ARSH: variants seen among roughly 807,000 people sequenced by gnomAD.
ARSH encodes the protein arylsulfatase H.
ARSH carries 32 observed loss-of-function variants against 28.7 expected under a neutral mutation model. The ratio of observed to expected loss-of-function variants is 1.11; its 90% CI spans 0.84 to 1.50. The LOEUF (loss-of-function observed/expected upper bound fraction) is 1.50. Ranked by LOEUF, ARSH falls within the 40% of genes most tolerant of loss-of-function variation. The pLI, the probability that ARSH is intolerant of heterozygous loss-of-function variation, is 0.00. For synonymous variants in ARSH, 176 were observed against 177.3 expected (o/e 0.99, Z 0.06); for missense variants, 440 against 452.4 (o/e 0.97, Z 0.25).
At chrX:3,029,422 C>G in intron 8 of ARSH, 54 bp downstream of exon 8, 1 of 1,164,878 alleles carries the variant, frequency 8.6e-7, no homozygotes, top group Non-Finnish European at 1.2e-6. Flanking sequence ...CGGTTCCGGT[C>G]TCCTTCGTCT....
chrX:3,007,802 T>G (rs952336139), intron 1 of ARSH, among the ~76,000 whole-genome samples: 22 of 96,709 alleles, frequency 2.3e-4, no homozygotes, highest in East Asian at 1.7e-3. Context: ...TCAAGGTGTC[T>G]GCAGGGCTGG....
intron 1 of ARSH, 116 bp from the exon 2 acceptor site, chrX:3,009,914 T>C (rs1452710107): frequency 1.1e-6 from 1 of 908,431 alleles, no homozygotes; most frequent in Non-Finnish European, 1.5e-6. Flanking sequence ...AAAAGATGGA[T>C]TTTAGGTTTA....
chrX:3,028,644 A>G (rs939562811), intron 7 of ARSH, among the ~76,000 whole-genome samples: 4 of 111,869 alleles, frequency 3.6e-5, no homozygotes, highest in Non-Finnish European at 7.5e-5. Context: ...AATTTTTCCA[A>G]TCCACAACAG....
chrX:3,008,497 CTTTCT>C (rs1215755022), intron 1 of ARSH, among the ~76,000 whole-genome samples: 3 of 97,095 alleles, frequency 3.1e-5, no homozygotes, highest in African/African-American at 1.1e-4. Context: ...TTCTTTCTTT[CTTTCT>C]TTCTTTCTTT....
At position 3,015,016 on chromosome X, in the gene ARSH, T is replaced by C. The variant is rs143359225; in HGVS notation, c.387T>C (p.Cys129=). 8,280 of 1,209,716 alleles carry C rather than the reference T, an allele frequency of 6.8e-3. 333 individuals carry two copies. The African/African-American group carries it at 0.12, about 18-fold the overall frequency. The change falls in exon 4 of 9, where the codon TGT becomes TGC. Residue 129 remains cysteine, a synonymous_variant. Transcript: ENST00000381130. ...GLSCASRNDH[C]YHPLNHGFHY... ...GCTGCGCCTCTCGGAATGATCACTG[T>C]TACCACCCGCTCAACCATGGTTTTC...
chrX:3,016,268 T>A (rs2089866178), intron 4 of ARSH, among the ~76,000 whole-genome samples: 1 of 110,916 alleles, frequency 9.0e-6, no homozygotes, highest in African/African-American at 3.3e-5. Context: ...CACTTTGGCC[T>A]CCCAAAGTAC....
chrX:3,018,671 G>A lies in ARSH; in HGVS notation c.901+1G>A, dbSNP rs1448909414. The A allele has an allele frequency of 2.5e-6, 3 of 1,207,388 alleles. No individual in the cohort carries two copies. The highest frequency in any genetic ancestry group is 2.2e-6 in the Non-Finnish European group (2 of 893,727). ...GTAGAAGAAATGGATTGGATGGTGGGTAAGTATTCAGTAACAGAACTGTAA... is the reference window on the plus strand; with the variant it reads ...GTAGAAGAAATGGATTGGATGGTGGATAAGTATTCAGTAACAGAACTGTAA... On this transcript the variant is annotated splice_donor_variant, in intron 5 of 8. Coordinates refer to ENST00000381130, the MANE Select transcript of ARSH (RefSeq NM_001011719.2). LOFTEE classifies it high-confidence loss of function.
chrX:3,016,118 C>T (rs910136954), intron 4 of ARSH, among the ~76,000 whole-genome samples: 12 of 108,046 alleles, frequency 1.1e-4, no homozygotes, highest in Non-Finnish European at 2.3e-4. Flanking sequence ...TCAAGTGATC[C>T]TCCCACCTCA....
intron 5 of ARSH, among the ~76,000 whole-genome samples, chrX:3,023,300 CAT>C (rs1309398310): frequency 1.9e-5 from 2 of 103,332 alleles, no homozygotes; most frequent in Admixed American, 1.1e-4. Context: ...ATTAATTAGA[CAT>C]ATATTATAAA....
chrX:3,033,757 T>C lies in ARSH; in HGVS notation c.*372T>C, dbSNP rs2089921717. 1.8e-5 allele frequency among the ~76,000 whole-genome samples: 2 copies of C among 111,398 alleles called. No homozygotes were observed. The highest frequency in any genetic ancestry group is 9.7e-5 in the Admixed American group (1 of 10,361). Reference sequence around the variant, plus strand: ...TTGCAGATTCTATACCCAGGCATGCTAGCTTTCTAATAAATCATGATAAGT... The same window carrying C: ...TTGCAGATTCTATACCCAGGCATGCCAGCTTTCTAATAAATCATGATAAGT... On this transcript the variant is annotated 3_prime_UTR_variant, in exon 9 of 9. Transcript: ENST00000381130.
rs1307644516 is a variant in ARSH, at chrX:3,033,476, A to AT, written c.*92dup. 19 of 948,005 alleles carry AT rather than the reference A, an allele frequency of 2.0e-5. No individual in the cohort carries two copies. The South Asian group carries it at 3.0e-4, about 15-fold the overall frequency. The allele number at this position is 948,005 out of a possible 1,213,427, so 78.1% of individuals were successfully genotyped here. A position where few individuals can be genotyped will look rare whatever the true frequency, so the allele number is the denominator to read the frequency against. ...ACCTGACTGATTCATTCCATTTGGG[A>AT]TAAAAACTGATGGCCCAACCCATTG... On this transcript the variant is annotated 3_prime_UTR_variant, in exon 9 of 9. Transcript: ENST00000381130.
chrX:3,031,612 C>T (rs2147462820), intron 8 of ARSH, among the ~76,000 whole-genome samples: 1 of 110,632 alleles, frequency 9.0e-6, no homozygotes, highest in East Asian at 2.8e-4. Context: ...GATAGTCCCA[C>T]ATAAAACAAT....
chrX:3,026,306 A>T (rs7892360), intron 6 of ARSH, among the ~76,000 whole-genome samples: 14,025 of 110,056 alleles, frequency 0.13, 867 homozygotes, highest in African/African-American at 0.23. Flanking sequence ...TGTCTTAATT[A>T]AAAAAAATAA....
intron 5 of ARSH, among the ~76,000 whole-genome samples, chrX:3,023,017 T>C (rs2089888458): frequency 9.1e-6 from 1 of 109,324 alleles, no homozygotes; most frequent in African/African-American, 3.3e-5. Context: ...ATTTGTATAA[T>C]AAAATAGATT....
intron 8 of ARSH, among the ~76,000 whole-genome samples, chrX:3,030,320 C>T (rs1322519395): frequency 9.0e-6 from 1 of 111,186 alleles, no homozygotes; most frequent in Non-Finnish European, 1.9e-5. Flanking sequence ...CCCTAGCTGC[C>T]TGGTACCCGG....
At chrX:3,012,592 T>TA (rs60273904) in intron 2 of ARSH, among the ~76,000 whole-genome samples, 1,700 of 25,434 alleles carry the variant, frequency 0.067, 86 homozygotes, top group East Asian at 0.35. Context: ...TATATATATA[T>TA]ATATATAATA....
intron 5 of ARSH, among the ~76,000 whole-genome samples, chrX:3,023,019 A>G (rs753452075): frequency 9.1e-6 from 1 of 109,411 alleles, no homozygotes; most frequent in African/African-American, 3.3e-5. Context: ...TTGTATAATA[A>G]AATAGATTTT....
chrX:3,020,433 G>C (rs766339795), intron 5 of ARSH, among the ~76,000 whole-genome samples: 52 of 105,397 alleles, frequency 4.9e-4, no homozygotes, highest in African/African-American at 1.0e-3. Context: ...ACTAAAAATA[G>C]AAAAAATGAG....
chrX:3,013,447 G>A (rs1165621308), intron 3 of ARSH, among the ~76,000 whole-genome samples: 1 of 110,811 alleles, frequency 9.0e-6, no homozygotes, highest in Non-Finnish European at 1.9e-5. Flanking sequence ...CGATGTTTGT[G>A]ACACCATTAT....
Sources: allele counts gnomAD v4.1 joint callset (sites outside exome capture counted in the v4.1 genomes callset), GRCh38; gene constraint gnomAD v4.1.1; transcripts MANE v1.5; gene names NCBI Gene and HGNC (gene_info 2026-07-23, HGNC 2026-07-21).